HS6ST3: variants seen among roughly 807,000 people sequenced by gnomAD.
The protein encoded by HS6ST3 is heparan-sulfate 6-O-sulfotransferase 3.
HS6ST3 carries 12 observed loss-of-function variants against 36.7 expected under a neutral mutation model. The observed-to-expected ratio is 0.33, with a 90% CI of 0.21 to 0.53. The LOEUF is 0.53. Ranked by LOEUF, HS6ST3 falls within the 20% of genes least tolerant of loss-of-function variation. The probability of loss-of-function intolerance (pLI) is 0.95; values close to 1 mark genes in which losing one functional copy is unlikely to be tolerated. For synonymous variants in HS6ST3, 240 were observed against 257.5 expected (o/e 0.93, Z 0.65); for missense variants, 584 against 640.9 (o/e 0.91, Z 0.96).
chr13:96,342,129 A>G (rs1195246406), intron 1 of HS6ST3, among the ~76,000 whole-genome samples: 1 of 152,186 alleles, frequency 6.6e-6, no homozygotes, highest in African/African-American at 2.4e-5. Flanking sequence ...AAAGGGATCT[A>G]TGATAAAAAT....
chr13:96,207,204 A>G (rs920475930), intron 1 of HS6ST3, among the ~76,000 whole-genome samples: 2 of 152,194 alleles, frequency 1.3e-5, no homozygotes, highest in African/African-American at 4.8e-5. Context: ...TACGAAAAAA[A>G]GCTCCATATC....
chr13:96,725,985 C>T (rs1875994258), intron 1 of HS6ST3, among the ~76,000 whole-genome samples: 1 of 152,120 alleles, frequency 6.6e-6, no homozygotes, highest in East Asian at 1.9e-4. Context: ...TTACAGGCGC[C>T]CGCCACCGCT....
chr13:96,793,533 C>T lies in HS6ST3; in HGVS notation c.708-38957C>T, dbSNP rs566456932. On this transcript the variant is annotated intron_variant, in intron 1 of 1. Coordinates refer to ENST00000376705, the MANE Select transcript of HS6ST3 (RefSeq NM_153456.4). The stretch of plus-strand genomic sequence containing the variant: ...CAGAAATCATCTGTGAAATACAAAA[C>T]AGCCCAGCCTATTAGAGAAGGAGGG... Among the ~76,000 whole-genome samples, 4 of 152,192 alleles carry T rather than the reference C, an allele frequency of 2.6e-5. No individual in the cohort carries two copies. The East Asian group carries it at 5.8e-4, about 22-fold the overall frequency.
chr13:96,387,808 A>G (rs968491656), intron 1 of HS6ST3, among the ~76,000 whole-genome samples: 3 of 152,166 alleles, frequency 2.0e-5, no homozygotes, highest in Non-Finnish European at 4.4e-5. Context: ...ACCAAGGTCC[A>G]GAAGATTTGC....
intron 1 of HS6ST3, among the ~76,000 whole-genome samples, chr13:96,426,798 A>C (rs548888516): frequency 1.4e-4 from 22 of 152,240 alleles, no homozygotes; most frequent in African/African-American, 5.3e-4. Context: ...TTGTTTCCTT[A>C]AATAGTATGT....
chr13:96,560,961 T>C (rs550601122), intron 1 of HS6ST3, among the ~76,000 whole-genome samples: 52 of 152,300 alleles, frequency 3.4e-4, no homozygotes, highest in Admixed American at 1.6e-3. Context: ...ATGGCTATAC[T>C]GTCCAAAGCA....
chr13:96,129,038 G>T (rs933582220), intron 1 of HS6ST3, among the ~76,000 whole-genome samples: 2 of 151,918 alleles, frequency 1.3e-5, no homozygotes, highest in African/African-American at 4.8e-5. Flanking sequence ...TTAGAGACAG[G>T]GTTTCACCAT....
At chr13:96,700,160 G>A (rs559556580) in intron 1 of HS6ST3, among the ~76,000 whole-genome samples, 78 of 152,248 alleles carry the variant, frequency 5.1e-4, no homozygotes, top group Non-Finnish European at 7.1e-4. Flanking sequence ...AGTTTACAAA[G>A]AAAAAGAGAT....
At chr13:96,374,574 T>A (rs946480594) in intron 1 of HS6ST3, among the ~76,000 whole-genome samples, 6 of 152,176 alleles carry the variant, frequency 3.9e-5, no homozygotes, top group Non-Finnish European at 8.8e-5. Flanking sequence ...TCCTTGTCCT[T>A]TTTCATTTCC....
intron 1 of HS6ST3, among the ~76,000 whole-genome samples, chr13:96,496,449 G>A (rs944589379): frequency 6.6e-6 from 1 of 152,120 alleles, no homozygotes; most frequent in Non-Finnish European, 1.5e-5. Context: ...CCACTAGAAT[G>A]TGGCAAAAGT....
intron 1 of HS6ST3, among the ~76,000 whole-genome samples, chr13:96,507,923 G>A (rs1459480513): frequency 1.3e-5 from 2 of 152,070 alleles, no homozygotes; most frequent in African/African-American, 4.8e-5. Context: ...TGAAATTCAG[G>A]TGGGTACTTT....
chr13:96,466,205 C>G (rs559122516), intron 1 of HS6ST3, among the ~76,000 whole-genome samples: 1 of 152,016 alleles, frequency 6.6e-6, no homozygotes, highest in Admixed American at 6.6e-5. Flanking sequence ...TGCTTGAACC[C>G]GGGAGGCGGA....
At chr13:96,770,646 A>G (rs1050393923) in intron 1 of HS6ST3, among the ~76,000 whole-genome samples, 8 of 152,252 alleles carry the variant, frequency 5.3e-5, no homozygotes, top group African/African-American at 1.9e-4. Flanking sequence ...TGGGCATTCA[A>G]TAAATGGGTA....
intron 1 of HS6ST3, among the ~76,000 whole-genome samples, chr13:96,590,110 A>G (rs893345423): frequency 1.3e-5 from 2 of 152,128 alleles, no homozygotes; most frequent in African/African-American, 4.8e-5. Context: ...TTGCTTCCAC[A>G]TCTTGGCTAA....
At chr13:96,412,059 C>T (rs959746381) in intron 1 of HS6ST3, among the ~76,000 whole-genome samples, 1 of 152,002 alleles carries the variant, frequency 6.6e-6, no homozygotes, top group Admixed American at 6.6e-5. Flanking sequence ...GGCTGCAGTG[C>T]AGTGGTGCGA....
At chr13:96,802,927 T>C (rs1878113432) in intron 1 of HS6ST3, among the ~76,000 whole-genome samples, 1 of 152,178 alleles carries the variant, frequency 6.6e-6, no homozygotes, top group East Asian at 1.9e-4. Context: ...GCATATTCAG[T>C]TGTGCTGCAG....
intron 1 of HS6ST3, among the ~76,000 whole-genome samples, chr13:96,351,034 C>G (rs559480650): frequency 6.6e-6 from 1 of 152,222 alleles, no homozygotes; most frequent in East Asian, 1.9e-4. Context: ...TTAACTTTAA[C>G]CTTTTTCATT....
At chr13:96,324,076 C>T (rs1239625633) in intron 1 of HS6ST3, among the ~76,000 whole-genome samples, 1 of 152,132 alleles carries the variant, frequency 6.6e-6, no homozygotes, top group East Asian at 1.9e-4. Context: ...CCTGTGCCTC[C>T]ATGCTGGCCA....
chr13:96,736,037 G>C (rs537371406), intron 1 of HS6ST3, among the ~76,000 whole-genome samples: 2 of 152,080 alleles, frequency 1.3e-5, no homozygotes, highest in African/African-American at 4.8e-5. Flanking sequence ...TCAACACACA[G>C]AGGGGAACAG....
Sources: gnomAD v4.1 joint callset for allele counts (sites outside exome capture counted in the v4.1 genomes callset) on GRCh38, gnomAD v4.1.1 for gene constraint, MANE v1.5 for transcripts, NCBI Gene and HGNC (gene_info 2026-07-23, HGNC 2026-07-21) for gene names.